The following PRMT3 variants were observed in gnomAD, a reference collection of about 807,000 sequenced individuals.
PRMT3 encodes the protein protein arginine methyltransferase 3, also known as protein arginine N-methyltransferase 3.
PRMT3 carries 62 observed loss-of-function variants against 71.9 expected under a neutral mutation model. The ratio of observed to expected loss-of-function variants is 0.86; its 90% confidence interval spans 0.70 to 1.07. PRMT3 has a LOEUF of 1.07. Ranked by LOEUF, PRMT3 falls within the 50% of genes least tolerant of loss-of-function variation. PRMT3 has a pLI of 0.00. For synonymous variants in PRMT3, 213 were observed against 220.4 expected (o/e 0.97, Z 0.30); for missense variants, 663 against 643.0 (o/e 1.03, Z -0.34).
At chr11:20,432,495 A>G (rs896384340) in intron 10 of PRMT3, among the ~76,000 whole-genome samples, 4 of 152,060 alleles carry the variant, frequency 2.6e-5, no homozygotes, top group South Asian at 2.1e-4. Context: ...TATCTTGGCT[A>G]TTGTGAATAG....
intron 15 of PRMT3, among the ~76,000 whole-genome samples, chr11:20,502,155 G>A (rs75987789): frequency 2.0e-5 from 3 of 152,228 alleles, no homozygotes; most frequent in East Asian, 3.9e-4. Flanking sequence ...AAGTCCATGC[G>A]GCTCAGCTCC....
chr11:20,454,875 A>G (rs978352849), intron 11 of PRMT3, among the ~76,000 whole-genome samples: 9 of 152,074 alleles, frequency 5.9e-5, no homozygotes, highest in Non-Finnish European at 1.2e-4. Context: ...GTGAGCAGTA[A>G]AGGCTTTATA....
chr11:20,448,621 T>C (rs1850083055), intron 10 of PRMT3, among the ~76,000 whole-genome samples: 1 of 152,048 alleles, frequency 6.6e-6, no homozygotes, highest in Non-Finnish European at 1.5e-5. Context: ...AATTCAGTTA[T>C]TTGAACTAAA....
intron 8 of PRMT3, chr11:20,406,843 A>G (rs1849082777): frequency 6.6e-6 from 1 of 152,074 alleles, no homozygotes; most frequent in Admixed American, 6.6e-5. Context: ...TAGCTATCCT[A>G]GTTGGTGTGA....
At chr11:20,406,835 G>A (rs866025661) in intron 8 of PRMT3, 5 of 152,200 alleles carry the variant, frequency 3.3e-5, no homozygotes, top group African/African-American at 7.2e-5. Context: ...TTTGATAATA[G>A]CTATCCTAGT....
At position 20,508,585 on chromosome 11, in the gene PRMT3, G is replaced by T; in HGVS notation, c.*172G>T. ...GGGAATCTGACATAGTTCAGCTGAG[G>T]AAGAGAATCAGCTGATCCTCATGGT... On this transcript the variant is annotated 3_prime_UTR_variant, in exon 16 of 16. Transcript: ENST00000331079. 2 of 696,992 alleles carry T rather than the reference G, an allele frequency of 2.9e-6. No individual in the cohort carries two copies. Among genetic ancestry groups the T allele is most frequent in the Non-Finnish European group, 5.3e-6 (2 of 379,426 alleles). 43.2% of individuals were successfully genotyped at this position (696,992 alleles called of 1,614,324 possible).
At chr11:20,414,636 A>G (rs1038443894) in intron 9 of PRMT3, among the ~76,000 whole-genome samples, 1 of 152,120 alleles carries the variant, frequency 6.6e-6, no homozygotes, top group Non-Finnish European at 1.5e-5. Flanking sequence ...TTTCTCATTG[A>G]CACAGTTATG....
At chr11:20,393,701 T>C (rs1409037855) in intron 5 of PRMT3, 1 of 152,228 alleles carries the variant, frequency 6.6e-6, no homozygotes, top group Non-Finnish European at 1.5e-5. Flanking sequence ...ATCCTCTTTT[T>C]TTCAAATCTC....
chr11:20,465,351 T>C (rs1850487419), intron 13 of PRMT3, among the ~76,000 whole-genome samples: 1 of 151,984 alleles, frequency 6.6e-6, no homozygotes, highest in South Asian at 2.1e-4. Context: ...TAGGTGGTAT[T>C]AACATATTTA....
At chr11:20,435,451 G>C (rs1235662756) in intron 10 of PRMT3, among the ~76,000 whole-genome samples, 1 of 152,038 alleles carries the variant, frequency 6.6e-6, no homozygotes, top group African/African-American at 2.4e-5. Context: ...AGCCACCCAC[G>C]TCAGCCTCCC....
intron 13 of PRMT3, among the ~76,000 whole-genome samples, chr11:20,484,257 A>C (rs1565233606): frequency 6.6e-6 from 1 of 152,232 alleles, no homozygotes; most frequent in Non-Finnish European, 1.5e-5. Context: ...TATTATAAAT[A>C]TAGTGAGTGT....
chr11:20,387,973 C>G lies in PRMT3; in HGVS notation c.29-46C>G. On this transcript the variant is annotated intron_variant, in intron 1 of 15. Coordinates refer to ENST00000331079, the MANE Select transcript of PRMT3 (RefSeq NM_005788.4). The surrounding 1 kb of genome is among the most constrained non-coding windows in gnomAD (Gnocchi z 4.3). The stretch of plus-strand genomic sequence containing the variant: ...TCACCTGCTCCTCGAGCCCCCGGGC[C>G]GCACCGGTGTCCGAGGCCGATCTGA... 1 of 1,611,376 alleles carries G rather than the reference C, an allele frequency of 6.2e-7. No individual in the cohort carries two copies. Among genetic ancestry groups the G allele is most frequent in the East Asian group, 2.2e-5 (1 of 44,776 alleles).
chr11:20,494,533 C>T (rs1383576603), intron 15 of PRMT3, among the ~76,000 whole-genome samples: 1 of 152,148 alleles, frequency 6.6e-6, no homozygotes, highest in Admixed American at 6.5e-5. Flanking sequence ...GGGGTTTCAC[C>T]ATGTTGGTCC....
chr11:20,422,966 G>C (rs1461541763), intron 9 of PRMT3, among the ~76,000 whole-genome samples: 3 of 152,170 alleles, frequency 2.0e-5, no homozygotes, highest in Non-Finnish European at 4.4e-5. Context: ...TCTACTCTGG[G>C]CCAGAGATTG....
chr11:20,390,911 A>G (rs1373380640), intron 3 of PRMT3, among the ~76,000 whole-genome samples: 3 of 152,118 alleles, frequency 2.0e-5, no homozygotes, highest in Admixed American at 6.5e-5. Context: ...TTAGTCGGGC[A>G]TGGTGGCATG....
chr11:20,472,853 T>C (rs924845312), intron 13 of PRMT3, among the ~76,000 whole-genome samples: 1 of 151,110 alleles, frequency 6.6e-6, no homozygotes, highest in Non-Finnish European at 1.5e-5. Flanking sequence ...GGTCCTGGGC[T>C]TTTTTTGGAG....
At chr11:20,461,578 TTACA>T in intron 11 of PRMT3, among the ~76,000 whole-genome samples, 1 of 152,354 alleles carries the variant, frequency 6.6e-6, no homozygotes, top group South Asian at 2.1e-4. Flanking sequence ...CATGATTTTC[TTACA>T]TGCTACATAT....
At chr11:20,390,811 G>A (rs1202468304) in intron 3 of PRMT3, among the ~76,000 whole-genome samples, 1 of 152,136 alleles carries the variant, frequency 6.6e-6, no homozygotes, top group Non-Finnish European at 1.5e-5. Context: ...AAACCTTTGG[G>A]AGGCCAAGGC....
intron 5 of PRMT3, among the ~76,000 whole-genome samples, chr11:20,393,316 G>A (rs549232680): frequency 1.3e-5 from 2 of 152,180 alleles, no homozygotes; most frequent in Admixed American, 6.5e-5. Context: ...GCATGGTGGC[G>A]GGCTTCTGTA....
Sources: gnomAD v4.1 joint callset for allele counts (sites outside exome capture counted in the v4.1 genomes callset) on GRCh38, gnomAD v4.1.1 for gene constraint, Gnocchi (gnomAD v3.1) non-coding constraint, MANE v1.5 for transcripts, NCBI Gene and HGNC (gene_info 2026-07-23, HGNC 2026-07-21) for gene names.